The following DNAI4 variants were observed in gnomAD, a reference collection of about 807,000 sequenced individuals.
DNAI4 encodes the protein dynein axonemal intermediate chain 4, also known as WD repeat domain 78.
A neutral mutation model predicts 105.8 loss-of-function variants in DNAI4; 85 were observed. The ratio of observed to expected loss-of-function variants is 0.80; its 90% CI spans 0.67 to 0.96. The LOEUF (loss-of-function observed/expected upper bound fraction) is 0.96, where lower values mean the gene tolerates loss of function less well. Ranked by LOEUF, DNAI4 falls within the 40% of genes least tolerant of loss-of-function variation. The pLI, the probability that DNAI4 is intolerant of heterozygous loss-of-function variation, is 0.00. For missense variants in DNAI4, 1,014 were observed against 1,005.6 expected, an observed-to-expected ratio of 1.01 and a Z score of -0.11; for synonymous variants, 352 against 331.5, an observed-to-expected ratio of 1.06 and a Z score of -0.67.
At chr1:66,920,819 T>C (rs1650430820) in intron 1 of DNAI4, among the ~76,000 whole-genome samples, 2 of 152,310 alleles carry the variant, frequency 1.3e-5, no homozygotes, top group South Asian at 4.1e-4. Context: ...AGGGAAACTG[T>C]AAAAGACAGA....
At chr1:66,893,835 C>CAACA (rs1238614638) in intron 2 of DNAI4, among the ~76,000 whole-genome samples, 1 of 152,032 alleles carries the variant, frequency 6.6e-6, no homozygotes, top group Non-Finnish European at 1.5e-5. Flanking sequence ...ATGATTCAGT[C>CAACA]AACAATGGAC....
chr1:66,833,882 A>T (rs1240437281), intron 12 of DNAI4, 109 bp downstream of exon 12: 1 of 1,416,562 alleles, frequency 7.1e-7, no homozygotes, highest in South Asian at 1.5e-5. Context: ...GACCAACCCA[A>T]TTTTTTTCTT....
intron 8 of DNAI4, among the ~76,000 whole-genome samples, chr1:66,843,745 T>G (rs903717484): frequency 1.3e-5 from 2 of 152,222 alleles, no homozygotes; most frequent in African/African-American, 4.8e-5. Flanking sequence ...TCGTATTTAG[T>G]ACCATTTGTT....
chr1:66,861,879 A>C (rs1288454917), intron 7 of DNAI4, among the ~76,000 whole-genome samples: 1 of 152,210 alleles, frequency 6.6e-6, no homozygotes, highest in Non-Finnish European at 1.5e-5. Context: ...AAAATGATGG[A>C]ACTCACATGT....
rs1483091147 is a variant in DNAI4, at chr1:66,822,414, G to A, written c.2443C>T (p.Gln815Ter). The part of the protein sequence containing the change: ...DCLLVGDSDG[Q>*]VSVYELRNMP... Reference sequence around the variant, plus strand: ...TTTCTCAGTTCATACACAGAAACCTGTCCATCACTGTCTCCTACCAGAAGG... The same window carrying A: ...TTTCTCAGTTCATACACAGAAACCTATCCATCACTGTCTCCTACCAGAAGG... The change falls in exon 16 of 17, where the codon CAG (glutamine) becomes TAG (stop). Residue 815 changes from glutamine (Q) to a stop codon, truncating the protein, a stop_gained. Transcript: ENST00000371026. LOFTEE classifies it high-confidence loss of function. 1 of 1,613,208 alleles carries A rather than the reference G, an allele frequency of 6.2e-7. No individual in the cohort carries two copies. Among genetic ancestry groups the A allele is most frequent in the Non-Finnish European group, 8.5e-7 (1 of 1,179,712 alleles).
At chr1:66,850,903 C>A (rs950380839) in intron 7 of DNAI4, among the ~76,000 whole-genome samples, 20 of 151,754 alleles carry the variant, frequency 1.3e-4, no homozygotes, top group Non-Finnish European at 2.4e-4. Context: ...TTTGGAAAAG[C>A]AGCAAGAAAG....
At chr1:66,898,078 T>G (rs1648481424) in intron 2 of DNAI4, among the ~76,000 whole-genome samples, 1 of 152,240 alleles carries the variant, frequency 6.6e-6, no homozygotes, top group African/African-American at 2.4e-5. Context: ...AGGCAGTACA[T>G]GGAGTCAAAA....
At chr1:66,818,803 C>G (rs963540136) in intron 16 of DNAI4, among the ~76,000 whole-genome samples, 3 of 152,092 alleles carry the variant, frequency 2.0e-5, no homozygotes, top group African/African-American at 7.2e-5. Context: ...ATCACAGCTA[C>G]TGAGGAGGCT....
intron 9 of DNAI4, among the ~76,000 whole-genome samples, chr1:66,839,619 G>T (rs1245521435): frequency 6.6e-6 from 1 of 152,028 alleles, no homozygotes; most frequent in African/African-American, 2.4e-5. Flanking sequence ...AAAAATTGTT[G>T]GAATTGTTAA....
intron 6 of DNAI4, among the ~76,000 whole-genome samples, chr1:66,865,288 G>T (rs1312527451): frequency 1.3e-5 from 2 of 152,026 alleles, no homozygotes; most frequent in Non-Finnish European, 2.9e-5. Flanking sequence ...GCCCAGCATG[G>T]TGGCATGTGC....
At chr1:66,905,118 C>T (rs1359896845) in intron 2 of DNAI4, 83 bp downstream of exon 2, 1 of 1,074,186 alleles carries the variant, frequency 9.3e-7, no homozygotes, top group Non-Finnish European at 1.3e-6. Flanking sequence ...TATCTGAAAG[C>T]AGCATATTTT....
chr1:66,890,046 C>T lies in DNAI4; in HGVS notation c.643+1108G>A, dbSNP rs1241503123. Reference sequence around the variant, plus strand: ...TAGAAGCTGAATTTGGTGGCTCACACTGATAATCCCAGTACTTTGGGAGGC... The same window carrying T: ...TAGAAGCTGAATTTGGTGGCTCACATTGATAATCCCAGTACTTTGGGAGGC... On this transcript the variant is annotated intron_variant, in intron 4 of 16. Transcript: ENST00000371026. The surrounding 1 kb of genome is among the most constrained non-coding windows in gnomAD (Gnocchi z 4.1). The T allele has an allele frequency of 6.6e-6, 1 of 152,238 alleles. No homozygotes were observed. Among genetic ancestry groups the T allele is most frequent in the Non-Finnish European group, 1.5e-5 (1 of 68,076 alleles). The allele number at this position is 152,238 out of a possible 1,614,324, so 9.4% of individuals were successfully genotyped here. A position where few individuals can be genotyped will look rare whatever the true frequency, so the allele number is the denominator to read the frequency against.
At chr1:66,832,950 T>C (rs1217121579) in intron 13 of DNAI4, among the ~76,000 whole-genome samples, 1 of 152,290 alleles carries the variant, frequency 6.6e-6, no homozygotes, top group Non-Finnish European at 1.5e-5. Flanking sequence ...ACCACGTGAA[T>C]TGAAATGTAG....
chr1:66,841,829 T>TGGA (rs1646154976), intron 8 of DNAI4, among the ~76,000 whole-genome samples: 1 of 152,224 alleles, frequency 6.6e-6, no homozygotes, highest in African/African-American at 2.4e-5. Flanking sequence ...TCATTATCAT[T>TGGA]CAAAGTCCAT....
At chr1:66,815,702 C>T (rs1212222354) in intron 16 of DNAI4, among the ~76,000 whole-genome samples, 1 of 152,200 alleles carries the variant, frequency 6.6e-6, no homozygotes, top group African/African-American at 2.4e-5. Flanking sequence ...AACCATAATT[C>T]TCTACAGCTC....
intron 16 of DNAI4, among the ~76,000 whole-genome samples, chr1:66,820,793 G>T (rs1405592061): frequency 5.6e-5 from 2 of 35,726 alleles, no homozygotes; most frequent in Non-Finnish European, 1.2e-4. Flanking sequence ...CTGGGGAAAT[G>T]ATAAGCATTT....
intron 4 of DNAI4, 113 bp from the exon 5 acceptor site, chr1:66,875,050 A>T: frequency 9.5e-7 from 1 of 1,051,234 alleles, no homozygotes; most frequent in East Asian, 2.6e-5. Flanking sequence ...TGGTTTATAT[A>T]GTCAAGGAAC....
intron 10 of DNAI4, among the ~76,000 whole-genome samples, chr1:66,836,140 A>AAAGAAAGAAAGAAAG: frequency 1.0e-5 from 1 of 96,070 alleles, no homozygotes; most frequent in African/African-American, 4.4e-5. Context: ...AGAAAGAAAG[A>AAAGAAAGAAAGAAAG]AAAGAAAGAA....
intron 6 of DNAI4, among the ~76,000 whole-genome samples, chr1:66,865,602 TTGC>T (rs1225640355): frequency 2.6e-5 from 4 of 152,230 alleles, no homozygotes; most frequent in Non-Finnish European, 5.9e-5. Context: ...CTAAATGGAC[TTGC>T]TAATTCTTCC....
Sources: gnomAD v4.1 joint callset for allele counts (sites outside exome capture counted in the v4.1 genomes callset) on GRCh38, gnomAD v4.1.1 for gene constraint, Gnocchi (gnomAD v3.1) non-coding constraint, MANE v1.5 for transcripts, NCBI Gene and HGNC (gene_info 2026-07-23, HGNC 2026-07-21) for gene names.